LEMD1: variants seen among roughly 807,000 people sequenced by gnomAD.
LEMD1 encodes the protein LEM domain-containing protein 1.
Under a neutral mutation model 17.4 loss-of-function variants are expected in LEMD1, and 18 were observed. That is an observed-to-expected ratio of 1.04 (90% CI 0.72 to 1.54). The LOEUF is 1.54. Among genes scored for constraint, LEMD1 ranks in the 40% most tolerant of loss-of-function variants. LEMD1 has a pLI of 0.00. For synonymous variants in LEMD1, 88 were observed against 77.8 expected, an observed-to-expected ratio of 1.13 and a Z score of -0.69; for missense variants, 195 against 210.4, an observed-to-expected ratio of 0.93 and a Z score of 0.45.
intron 4 of LEMD1, among the ~76,000 whole-genome samples, chr1:205,405,899 GT>G (rs1424795060): frequency 1.3e-5 from 2 of 152,088 alleles, no homozygotes; most frequent in Non-Finnish European, 2.9e-5. Context: ...TGTCCTTTCT[GT>G]TTGTTAGTTT....
chr1:205,432,289 C>T (rs1030342503), intron 1 of LEMD1, among the ~76,000 whole-genome samples: 3 of 152,146 alleles, frequency 2.0e-5, no homozygotes, highest in East Asian at 1.9e-4. Flanking sequence ...TTCAGAGAGC[C>T]CCCAGCCACT....
chr1:205,444,526 G>A (rs1351430054), intron 1 of LEMD1, among the ~76,000 whole-genome samples: 1 of 152,036 alleles, frequency 6.6e-6, no homozygotes, highest in Non-Finnish European at 1.5e-5. Context: ...ACTCTCCTGG[G>A]GTCCTCCAAC....
chr1:205,410,736 C>T (rs919588613), intron 4 of LEMD1, among the ~76,000 whole-genome samples: 4 of 151,948 alleles, frequency 2.6e-5, no homozygotes, highest in Non-Finnish European at 5.9e-5. Flanking sequence ...CATGGTGCCC[C>T]GTGCCTGTAG....
chr1:205,437,950 CCTATATATTT>C (rs550091508), intron 1 of LEMD1: 1 of 152,078 alleles, frequency 6.6e-6, no homozygotes, highest in Non-Finnish European at 1.5e-5. Context: ...TAACAATCTC[CCTATATATTT>C]CTATGAACCC....
At chr1:205,408,459 G>A (rs559653555) in intron 4 of LEMD1, among the ~76,000 whole-genome samples, 14 of 151,800 alleles carry the variant, frequency 9.2e-5, no homozygotes, top group African/African-American at 3.1e-4. Flanking sequence ...ATTTCGAGAG[G>A]TGTGGAAAAA....
Position 205,408,113 on chromosome 1 carries a change from A to G in LEMD1, c.270+8119T>C, listed in dbSNP as rs1665206808. Among the ~76,000 whole-genome samples, 2 of 152,128 alleles carry G rather than the reference A, an allele frequency of 1.3e-5. 1 individual carries two copies. Among genetic ancestry groups the G allele is most frequent in the South Asian group, 4.1e-4 (2 of 4,820 alleles). Reference sequence around the variant, plus strand: ...GTTCCTGGAGTGGTTGTGGATGAGAAAGCAAAAAGACATCGTTGGGACAGT... The same window carrying G: ...GTTCCTGGAGTGGTTGTGGATGAGAGAGCAAAAAGACATCGTTGGGACAGT... On this transcript the variant is annotated intron_variant, in intron 4 of 5. Coordinates refer to ENST00000367153, the MANE Select transcript of LEMD1 (RefSeq NM_001199050.2).
rs910053326 is a variant in LEMD1, at chr1:205,419,334, T to C, written c.101A>G (p.Tyr34Cys). The change falls in exon 3 of 6, where the codon TAT becomes TGT. Residue 34 changes from tyrosine (Y) to cysteine (C), a missense_variant. Tyr to Cys is a radical substitution (Grantham distance 194). Transcript: ENST00000367153. ...GPILPSTRKL[Y>C]EKKLVQLLVS... ...CAACAACTGTACTAACTTTTTTTCA[T>C]ACAACTTTCTGGTGGAAGCTGAGGA... is the stretch of plus-strand genomic sequence containing the variant. 1.9e-6 allele frequency: 3 copies of C among 1,614,118 alleles called. No individual in the cohort carries two copies. The highest frequency in any genetic ancestry group is 1.3e-5 in the African/African-American group (1 of 74,950).
intron 4 of LEMD1, among the ~76,000 whole-genome samples, chr1:205,413,587 CTTTTTTT>C (rs781477988): frequency 1.9e-4 from 14 of 72,504 alleles, no homozygotes; most frequent in Middle Eastern, 0.01. Context: ...CCATGCCCAA[CTTTTTTT>C]TTTTTTTTTT....
intron 1 of LEMD1, among the ~76,000 whole-genome samples, chr1:205,427,893 C>T (rs1365001583): frequency 2.0e-5 from 3 of 152,198 alleles, no homozygotes; most frequent in Admixed American, 6.5e-5. Context: ...CTAGTCAATT[C>T]CATACTCGTG....
chr1:205,439,835 A>G (rs1171069419), intron 1 of LEMD1, among the ~76,000 whole-genome samples: 2 of 152,094 alleles, frequency 1.3e-5, no homozygotes, highest in African/African-American at 4.8e-5. Context: ...GCTAAGTTAT[A>G]CCAAAATGAA....
In LEMD1 at chr1:205,437,176, G is replaced by C. The variant is rs186072675; in HGVS notation, c.-39+12692C>G. The C allele has an allele frequency of 1.2e-4, 19 of 152,538 alleles. No homozygotes were observed. The East Asian group carries it at 3.5e-3, about 28-fold the overall frequency. 9.4% of individuals were successfully genotyped at this position (152,538 alleles called of 1,614,324 possible). A position where few individuals can be genotyped will look rare whatever the true frequency, so the allele number is the denominator to read the frequency against. ...CTTGCAGAAGGCAAGGAATGAGGTG[G>C]GGTGGTTTGATCAGCATGGAGATGA... On this transcript the variant is annotated intron_variant, in intron 1 of 3. Coordinates refer to the LEMD1 transcript ENST00000367154.
chr1:205,398,851 G>A (rs775298702), intron 4 of LEMD1, among the ~76,000 whole-genome samples: 28 of 152,176 alleles, frequency 1.8e-4, no homozygotes, highest in Non-Finnish European at 3.8e-4. Flanking sequence ...CCGTGGTCAC[G>A]GACATAGTTA....
chr1:205,437,037 C>G (rs571150893), intron 1 of LEMD1: 1 of 152,692 alleles, frequency 6.5e-6, no homozygotes, highest in East Asian at 1.9e-4. Flanking sequence ...GGGGCTGTGG[C>G]TCTCCATCCA....
chr1:205,388,130 T>C (rs1416665295), intron 4 of LEMD1, among the ~76,000 whole-genome samples: 1 of 152,136 alleles, frequency 6.6e-6, no homozygotes, highest in Non-Finnish European at 1.5e-5. Context: ...GTGGAGGGAA[T>C]TAGAAATACC....
intron 4 of LEMD1, among the ~76,000 whole-genome samples, chr1:205,387,956 C>T (rs1664117842): frequency 6.6e-6 from 1 of 152,196 alleles, no homozygotes; most frequent in African/African-American, 2.4e-5. Context: ...TTCTCAAAAC[C>T]ACCCTATGTG....
At chr1:205,397,568 G>C (rs1393603816) in intron 4 of LEMD1, among the ~76,000 whole-genome samples, 1 of 152,126 alleles carries the variant, frequency 6.6e-6, no homozygotes. Flanking sequence ...TTCAATCTGG[G>C]AGATAGAGTG....
intron 4 of LEMD1, chr1:205,386,039 G>T (rs574269505): frequency 1.3e-5 from 2 of 152,972 alleles, no homozygotes; most frequent in African/African-American, 2.4e-5. Context: ...ACAGGAGAAG[G>T]GCATTTGTGT....
intron 1 of LEMD1, among the ~76,000 whole-genome samples, chr1:205,433,051 CCTTCCCTGATT>C (rs1166896354): frequency 1.2e-4 from 19 of 152,020 alleles, no homozygotes; most frequent in Non-Finnish European, 2.1e-4. Context: ...TTATGTGATG[CCTTCCCTGATT>C]CTTCCCTACT....
At chr1:205,414,468 A>G (rs1326956247) in intron 4 of LEMD1, among the ~76,000 whole-genome samples, 1 of 151,556 alleles carries the variant, frequency 6.6e-6, no homozygotes, top group Non-Finnish European at 1.5e-5. Flanking sequence ...GCTATTGCCC[A>G]GGCTGGAGTG....
Sources: gnomAD v4.1 joint callset for allele counts (sites outside exome capture counted in the v4.1 genomes callset) on GRCh38, gnomAD v4.1.1 for gene constraint, MANE v1.5 for transcripts, NCBI Gene and HGNC (gene_info 2026-07-23, HGNC 2026-07-21) for gene names.